The following NKAIN2 variants were observed in gnomAD, a reference collection of about 807,000 sequenced individuals.
NKAIN2 encodes the protein sodium/potassium transporting ATPase interacting 2.
A neutral mutation model predicts 32.6 loss-of-function variants in NKAIN2; 14 were observed. The observed-to-expected ratio is 0.43, with a 90% CI of 0.28 to 0.67. The LOEUF is 0.67. Ranked by LOEUF, NKAIN2 falls within the 30% of genes least tolerant of loss-of-function variation. NKAIN2 has a pLI of 0.17. For synonymous variants in NKAIN2, 80 were observed against 87.2 expected (o/e 0.92, Z 0.46); for missense variants, 198 against 258.3 (o/e 0.77, Z 1.60).
intron 3 of NKAIN2, among the ~76,000 whole-genome samples, chr6:124,472,016 CA>C (rs1776995529): frequency 6.6e-6 from 1 of 151,910 alleles, no homozygotes; most frequent in Non-Finnish European, 1.5e-5. Flanking sequence ...CAGTAGACAA[CA>C]ACAAGGATCC....
At chr6:124,525,023 A>G (rs1273292159) in intron 3 of NKAIN2, among the ~76,000 whole-genome samples, 1 of 152,234 alleles carries the variant, frequency 6.6e-6, no homozygotes, top group Admixed American at 6.5e-5. Context: ...TAAGAACTGC[A>G]GTAAAGCGAT....
intron 4 of NKAIN2, among the ~76,000 whole-genome samples, chr6:124,682,566 A>T (rs558276575): frequency 6.6e-6 from 1 of 152,314 alleles, no homozygotes; most frequent in East Asian, 1.9e-4. Context: ...TAAGTCTCAA[A>T]AAGAATTGTA....
chr6:124,507,212 T>C (rs144477710), intron 3 of NKAIN2, among the ~76,000 whole-genome samples: 2,301 of 152,314 alleles, frequency 0.015, 62 homozygotes, highest in African/African-American at 0.053. Context: ...ACTGCACCCT[T>C]GAAAATGTGG....
chr6:124,612,652 T>C (rs1046969407), intron 3 of NKAIN2, among the ~76,000 whole-genome samples: 1 of 152,202 alleles, frequency 6.6e-6, no homozygotes, highest in African/African-American at 2.4e-5. Flanking sequence ...TTTCTTTGCC[T>C]ATAAAATGAA....
chr6:124,241,640 G>A (rs992558335), intron 1 of NKAIN2, among the ~76,000 whole-genome samples: 1 of 152,062 alleles, frequency 6.6e-6, no homozygotes, highest in Non-Finnish European at 1.5e-5. Flanking sequence ...CAAGCAACGG[G>A]AAAGGATTCC....
intron 1 of NKAIN2, among the ~76,000 whole-genome samples, chr6:124,042,735 A>G (rs1332237760): frequency 6.6e-6 from 1 of 152,104 alleles, no homozygotes; most frequent in African/African-American, 2.4e-5. Flanking sequence ...AGTATGCTCA[A>G]TTTCCTATAT....
intron 1 of NKAIN2, among the ~76,000 whole-genome samples, chr6:124,075,030 A>C (rs996929938): frequency 1.3e-5 from 2 of 152,190 alleles, no homozygotes. Context: ...AGTTTTGACA[A>C]GTGTTACCAC....
chr6:124,098,169 G>T (rs1784722909), intron 1 of NKAIN2, among the ~76,000 whole-genome samples: 1 of 152,126 alleles, frequency 6.6e-6, no homozygotes, highest in Non-Finnish European at 1.5e-5. Flanking sequence ...GGTCTTTATT[G>T]TTCCTACTCT....
At chr6:123,854,239 C>A (rs1775470955) in intron 1 of NKAIN2, among the ~76,000 whole-genome samples, 1 of 152,140 alleles carries the variant, frequency 6.6e-6, no homozygotes. Flanking sequence ...CAAAATCCAT[C>A]ATTTATAAAG....
At chr6:124,311,419 T>G (rs1434925709) in intron 2 of NKAIN2, among the ~76,000 whole-genome samples, 1 of 152,158 alleles carries the variant, frequency 6.6e-6, no homozygotes, top group East Asian at 1.9e-4. Context: ...CCTGTGGCCA[T>G]GCGCTCACAT....
intron 4 of NKAIN2, among the ~76,000 whole-genome samples, chr6:124,680,442 G>A (rs777166542): frequency 6.9e-4 from 105 of 151,942 alleles, no homozygotes; most frequent in African/African-American, 2.5e-3. Context: ...AGAACACTCC[G>A]TTTTAAAAAT....
chr6:124,444,046 C>G (rs1199767990), intron 3 of NKAIN2, among the ~76,000 whole-genome samples: 1 of 151,928 alleles, frequency 6.6e-6, no homozygotes, highest in Non-Finnish European at 1.5e-5. Context: ...ATTTATTTTA[C>G]TGACTAAGCT....
intron 1 of NKAIN2, among the ~76,000 whole-genome samples, chr6:123,925,739 C>T (rs1362151010): frequency 6.6e-6 from 1 of 152,152 alleles, no homozygotes; most frequent in African/African-American, 2.4e-5. Flanking sequence ...AACATTTCTA[C>T]ATTGTCTTTG....
intron 1 of NKAIN2, among the ~76,000 whole-genome samples, chr6:124,032,195 G>C (rs1228736872): frequency 6.8e-6 from 1 of 147,986 alleles, no homozygotes; most frequent in Non-Finnish European, 1.5e-5. Context: ...CTCACTCATA[G>C]GTGGGAATTG....
In NKAIN2 at chr6:124,800,194, C is replaced by T. The variant is rs76279762; in HGVS notation, c.535+8795C>T. On this transcript the variant is annotated intron_variant, in intron 5 of 6. Transcript: ENST00000368417. ...TGGCCGGTGCCCACTTCCTTATGCCCGGTTCTGCTTTAGTTTTAGAAGTGG... is the reference window on the plus strand; with the variant it reads ...TGGCCGGTGCCCACTTCCTTATGCCTGGTTCTGCTTTAGTTTTAGAAGTGG... Among the ~76,000 whole-genome samples the T allele has an allele frequency of 9.0e-3, 1,376 of 152,230 alleles. 23 individuals carry two copies. Among genetic ancestry groups the T allele is most frequent in the African/African-American group, 0.032 (1,323 of 41,530 alleles).
At chr6:123,958,863 A>C (rs1185200197) in intron 1 of NKAIN2, among the ~76,000 whole-genome samples, 1 of 152,194 alleles carries the variant, frequency 6.6e-6, no homozygotes, top group Non-Finnish European at 1.5e-5. Flanking sequence ...TATTCTTTAT[A>C]GACCAGGAAG....
At chr6:124,609,139 T>A (rs1216310856) in intron 3 of NKAIN2, among the ~76,000 whole-genome samples, 1 of 152,142 alleles carries the variant, frequency 6.6e-6, no homozygotes, top group South Asian at 2.1e-4. Context: ...TTAATTTCAG[T>A]TGTTGTCTGG....
At chr6:124,456,801 A>G (rs1305938240) in intron 3 of NKAIN2, among the ~76,000 whole-genome samples, 1 of 151,788 alleles carries the variant, frequency 6.6e-6, no homozygotes, top group African/African-American at 2.4e-5. Context: ...ATTTTTACTA[A>G]AACTTGTGGT....
chr6:124,288,991 G>A (rs1795684001), intron 2 of NKAIN2, among the ~76,000 whole-genome samples: 1 of 152,056 alleles, frequency 6.6e-6, no homozygotes, highest in African/African-American at 2.4e-5. Flanking sequence ...GAAAAAGCAA[G>A]AGATGAAATT....
Sources: gnomAD v4.1 joint callset for allele counts (sites outside exome capture counted in the v4.1 genomes callset) on GRCh38, gnomAD v4.1.1 for gene constraint, MANE v1.5 for transcripts, NCBI Gene and HGNC (gene_info 2026-07-23, HGNC 2026-07-21) for gene names.